The following PTK7 variants were observed in gnomAD, a reference collection of about 807,000 sequenced individuals.
PTK7 encodes the protein protein tyrosine kinase 7 (inactive).
A neutral mutation model predicts 116.6 loss-of-function variants in PTK7; 39 were observed. That is an observed-to-expected ratio of 0.33 (90% CI 0.26 to 0.44). PTK7 has a LOEUF of 0.44. PTK7 is among the 20% of genes least tolerant of loss of function. The pLI, the probability that PTK7 is intolerant of heterozygous loss-of-function variation, is 1.00. For synonymous variants in PTK7, 546 were observed against 563.6 expected, an observed-to-expected ratio of 0.97 and a Z score of 0.44; for missense variants, 1,169 against 1,425.6, an observed-to-expected ratio of 0.82 and a Z score of 2.90.
chr6:43,128,315 G>C (rs1769421606), intron 1 of PTK7, among the ~76,000 whole-genome samples: 1 of 152,184 alleles, frequency 6.6e-6, no homozygotes, highest in African/African-American at 2.4e-5. Context: ...TCCCTGTGCA[G>C]CCAGCCCTTA....
chr6:43,118,854 C>T (rs902965884), intron 1 of PTK7, among the ~76,000 whole-genome samples: 2 of 150,108 alleles, frequency 1.3e-5, no homozygotes, highest in Non-Finnish European at 1.5e-5. Flanking sequence ...CTGCAACCTC[C>T]ACCTCCCGGG....
In PTK7 at chr6:43,129,647, T is replaced by C; in HGVS notation, c.368-80T>C. The C allele has an allele frequency of 3.2e-6, 4 of 1,267,914 alleles. No homozygotes were observed. The highest frequency in any genetic ancestry group is 4.6e-6 in the Non-Finnish European group (4 of 870,172). The allele number at this position is 1,267,914 out of a possible 1,614,324, so 78.5% of individuals were successfully genotyped here. A position where few individuals can be genotyped will look rare whatever the true frequency, so the allele number is the denominator to read the frequency against. Reference sequence around the variant, plus strand: ...CACAGAGCCTCGAGGTTCCACGGCTTCCTGCTTGTCCTCCTTGCCCTCTGC... The same window carrying C: ...CACAGAGCCTCGAGGTTCCACGGCTCCCTGCTTGTCCTCCTTGCCCTCTGC... On this transcript the variant is annotated intron_variant, in intron 2 of 19. Coordinates refer to ENST00000230419, the MANE Select transcript of PTK7 (RefSeq NM_002821.5). The surrounding 1 kb of genome is among the most constrained non-coding windows in gnomAD (Gnocchi z 4.5).
intron 1 of PTK7, among the ~76,000 whole-genome samples, chr6:43,100,681 G>A (rs375679760): frequency 6.6e-6 from 1 of 152,084 alleles, no homozygotes; most frequent in East Asian, 1.9e-4. Context: ...TGTGAACAGG[G>A]CATTATACAA....
intron 7 of PTK7, among the ~76,000 whole-genome samples, chr6:43,136,315 A>G (rs557078500): frequency 3.5e-4 from 52 of 146,486 alleles, no homozygotes; most frequent in Non-Finnish European, 6.8e-4. Flanking sequence ...AGCCTGGGTG[A>G]CAGAGCAAGA....
At chr6:43,107,624 C>T (rs1767965907) in intron 1 of PTK7, among the ~76,000 whole-genome samples, 2 of 152,240 alleles carry the variant, frequency 1.3e-5, no homozygotes, top group East Asian at 1.9e-4. Context: ...GTGTGTTTCT[C>T]TCTCTGTCCC....
chr6:43,160,643 T>G (rs1166480275), intron 19 of PTK7, 78 bp from the exon 20 acceptor site: 2 of 1,555,508 alleles, frequency 1.3e-6, no homozygotes, highest in East Asian at 2.3e-5. Context: ...GCTGCTTGTA[T>G]AAACTGCAAG....
At chr6:43,112,355 G>A (rs958570497) in intron 1 of PTK7, among the ~76,000 whole-genome samples, 3 of 151,146 alleles carry the variant, frequency 2.0e-5, no homozygotes, top group Non-Finnish European at 3.0e-5. Flanking sequence ...TGCAACCTCC[G>A]CCTCCCAGGT....
At chr6:43,080,933 C>A (rs1319024246) in intron 1 of PTK7, among the ~76,000 whole-genome samples, 7 of 147,000 alleles carry the variant, frequency 4.8e-5, no homozygotes, top group African/African-American at 1.6e-4. Flanking sequence ...CGGAACGAGA[C>A]TCCGTCTCAA....
At chr6:43,111,481 T>C (rs1768190111) in intron 1 of PTK7, among the ~76,000 whole-genome samples, 1 of 152,174 alleles carries the variant, frequency 6.6e-6, no homozygotes, top group Admixed American at 6.5e-5. Flanking sequence ...ATGGTTGTGA[T>C]GGAGTGCAGG....
In PTK7 at chr6:43,145,483, C is replaced by T. The variant is rs1309499231; in HGVS notation, c.2640+51C>T. 2 of 1,424,220 alleles carry T rather than the reference C, an allele frequency of 1.4e-6. No homozygotes were observed. The highest frequency in any genetic ancestry group is 2.2e-5 in the Admixed American group (1 of 44,580). 88.2% of individuals were successfully genotyped at this position (1,424,220 alleles called of 1,614,324 possible). On this transcript the variant is annotated intron_variant, in intron 16 of 19. Transcript: ENST00000230419. The surrounding 1 kb of genome is among the most constrained non-coding windows in gnomAD (Gnocchi z 4.8). ...GGTCTCGGGTAGGGAGGGCAGTGTC[C>T]TACAAAGGTGGGAGTCAGTGGTTGG...
At chr6:43,140,796 C>G (rs1561975308) in intron 10 of PTK7, among the ~76,000 whole-genome samples, 1 of 152,030 alleles carries the variant, frequency 6.6e-6, no homozygotes, top group East Asian at 1.9e-4. Context: ...TTAGACAATA[C>G]AGATAACTAT....
At chr6:43,080,899 G>A (rs891823892) in intron 1 of PTK7, among the ~76,000 whole-genome samples, 11 of 151,622 alleles carry the variant, frequency 7.3e-5, no homozygotes, top group Non-Finnish European at 1.3e-4. Context: ...CCGAGATCGC[G>A]CCGCTGCACT....
chr6:43,108,522 C>A lies in PTK7; in HGVS notation c.80-20455C>A, dbSNP rs1582107568. The stretch of plus-strand genomic sequence containing the variant: ...TCAAATGATCCTCCCATCTCAGCCT[C>A]CCAAGTAGCTGGGACTACAGGCGCA... On this transcript the variant is annotated intron_variant, in intron 1 of 19. Transcript: ENST00000230419. Among the ~76,000 whole-genome samples the A allele has an allele frequency of 3.3e-5, 5 of 151,952 alleles. No individual in the cohort carries two copies. In the South Asian group the frequency reaches 1.0e-3, roughly 31 times the overall value.
At position 43,132,469 on chromosome 6, in the gene PTK7, G is replaced by T. The variant is rs1329697917; in HGVS notation, c.1010G>T (p.Ser337Ile). 6.3e-7 allele frequency: 1 copy of T among 1,597,274 alleles called. No homozygotes were observed. Among genetic ancestry groups the T allele is most frequent in the Non-Finnish European group, 8.6e-7 (1 of 1,167,004 alleles). ...LFEPRVFTAG[S>I]EERVTCLPPK... ...GAGCCACGGGTGTTTACAGCTGGCA[G>T]CGAGGAGCGTGTGACCTGCCTTCCC... is the stretch of plus-strand genomic sequence containing the variant. The change falls in exon 7 of 20, where the codon AGC becomes ATC. Residue 337 changes from serine to isoleucine, a missense_variant. Ser to Ile is a moderately radical substitution (Grantham distance 142, BLOSUM62 -2). Transcript: ENST00000230419.
chr6:43,124,062 T>C (rs1421397877), intron 1 of PTK7, among the ~76,000 whole-genome samples: 2 of 152,022 alleles, frequency 1.3e-5, no homozygotes, highest in Non-Finnish European at 2.9e-5. Context: ...CCATGGGGGC[T>C]TGTGTGCAGT....
chr6:43,116,665 C>A lies in PTK7; in HGVS notation c.80-12312C>A, dbSNP rs1442012126. On this transcript the variant is annotated intron_variant, in intron 1 of 19. Coordinates refer to ENST00000230419, the MANE Select transcript of PTK7 (RefSeq NM_002821.5). ...GTGTGTGTGTGTGCGCGCGCACGCA[C>A]GCACGCATATGGATACATGTACATG... Among the ~76,000 whole-genome samples the A allele has an allele frequency of 2.0e-5, 3 of 149,558 alleles. No individual in the cohort carries two copies. The South Asian group carries it at 6.3e-4, about 32-fold the overall frequency.
chr6:43,131,029 T>TCA (rs3222659), intron 5 of PTK7, among the ~76,000 whole-genome samples: 26,603 of 133,394 alleles, frequency 0.2, 2,573 homozygotes, highest in Admixed American at 0.23. Context: ...GGCAAAGACA[T>TCA]CACACACACA....
In PTK7 at chr6:43,144,447, C is replaced by T. The variant is rs767348087; in HGVS notation, c.2252-4C>T. 2 of 1,614,114 alleles carry T rather than the reference C, an allele frequency of 1.2e-6. No homozygotes were observed. The highest frequency in any genetic ancestry group is 1.1e-5 in the South Asian group (1 of 91,084). Reference sequence around the variant, plus strand: ...CGTGACGCTCTTGTCCTCCTCCTTCCCAGGTGGGCCTTTGCAGAACGGGCA... The same window carrying T: ...CGTGACGCTCTTGTCCTCCTCCTTCTCAGGTGGGCCTTTGCAGAACGGGCA... On this transcript the variant is annotated splice_region_variant and splice_polypyrimidine_tract_variant and intron_variant, in intron 14 of 19. Transcript: ENST00000230419.
In PTK7 at chr6:43,139,852, G is replaced by A. The variant is rs554524543; in HGVS notation, c.1618+327G>A. ...ATGGAGGCCGTGCATAGTGGCTCACGCCTGTAATCCCAACACTTTGGGAAG... is the reference window on the plus strand; with the variant it reads ...ATGGAGGCCGTGCATAGTGGCTCACACCTGTAATCCCAACACTTTGGGAAG... On this transcript the variant is annotated intron_variant, in intron 10 of 19. Transcript: ENST00000230419. This position sits in a 1 kb window ranked among gnomAD's most constrained non-coding sequence, Gnocchi z 4.6. Among the ~76,000 whole-genome samples, 248 of 152,334 alleles carry A rather than the reference G, an allele frequency of 1.6e-3. No homozygotes were observed. The highest frequency in any genetic ancestry group is 5.4e-3 in the African/African-American group (226 of 41,576).
Sources: gnomAD v4.1 joint callset for allele counts (sites outside exome capture counted in the v4.1 genomes callset) on GRCh38, gnomAD v4.1.1 for gene constraint, Gnocchi (gnomAD v3.1) non-coding constraint, MANE v1.5 for transcripts, NCBI Gene and HGNC (gene_info 2026-07-23, HGNC 2026-07-21) for gene names.